The following ZNF273 variants were observed in gnomAD, a reference collection of about 807,000 sequenced individuals.
ZNF273 encodes the protein zinc finger protein 9.
Under a neutral mutation model 14.9 loss-of-function variants are expected in ZNF273, and 11 were observed. That is an observed-to-expected ratio of 0.74 (90% CI 0.46 to 1.22). The LOEUF is 1.22. ZNF273 is among the 50% of genes most tolerant of loss of function. The pLI is 0.00. For missense variants in ZNF273, 577 were observed against 660.6 expected (o/e 0.87, Z 1.39); for synonymous variants, 199 against 223.9 (o/e 0.89, Z 0.99).
chr7:64,913,000 T>G (rs1793684450), intron 1 of ZNF273, among the ~76,000 whole-genome samples: 1 of 151,668 alleles, frequency 6.6e-6, no homozygotes, highest in African/African-American at 2.4e-5. Flanking sequence ...AGCTAATATT[T>G]GTATTTTTAG....
intron 3 of ZNF273, among the ~76,000 whole-genome samples, chr7:64,895,993 A>T (rs1008983446): frequency 6.6e-6 from 1 of 152,100 alleles, no homozygotes; most frequent in African/African-American, 2.4e-5. Context: ...GGTAAAATAA[A>T]GCTTTTATTT....
At chr7:64,901,907 C>T (rs1353657737), upstream of ZNF273, among the ~76,000 whole-genome samples, 3 of 151,432 alleles carry the variant, frequency 2.0e-5, no homozygotes, top group South Asian at 6.2e-4. Context: ...CCACATTGTG[C>T]GAGTGAAACT....
downstream of ZNF273, among the ~76,000 whole-genome samples, chr7:64,931,762 C>G (rs1313529244): frequency 1.3e-5 from 2 of 152,112 alleles, no homozygotes; most frequent in African/African-American, 4.8e-5. Flanking sequence ...AACAGATGCT[C>G]CATAGTAAGA....
downstream of ZNF273, among the ~76,000 whole-genome samples, chr7:64,932,238 A>AT (rs374288365): frequency 0.042 from 6,355 of 151,716 alleles, 167 homozygotes; most frequent in Middle Eastern, 0.082. Context: ...AAAAAAAAAA[A>AT]ATATCTTACT....
At chr7:64,912,827 T>TTTTTTGTTGTTG (rs796732800) in intron 1 of ZNF273, among the ~76,000 whole-genome samples, 3 of 45,962 alleles carry the variant, frequency 6.5e-5, no homozygotes, top group Non-Finnish European at 1.4e-4. Flanking sequence ...TTCATTTTAG[T>TTTTTTGTTGTTG]TTTTTTTTTT....
chr7:64,908,291 G>C (rs1034245700), intron 1 of ZNF273, among the ~76,000 whole-genome samples: 1 of 152,140 alleles, frequency 6.6e-6, no homozygotes, highest in African/African-American at 2.4e-5. Flanking sequence ...GTGCTGATTT[G>C]TTATATACAT....
At chr7:64,892,404 T>A (rs1403453855), downstream of ZNF273, among the ~76,000 whole-genome samples, 1 of 152,212 alleles carries the variant, frequency 6.6e-6, no homozygotes, top group African/African-American at 2.4e-5. Flanking sequence ...TTCTTTTTTT[T>A]ATTGTAAATA....
At chr7:64,890,656 T>C (rs536655815), downstream of ZNF273, among the ~76,000 whole-genome samples, 2 of 152,302 alleles carry the variant, frequency 1.3e-5, no homozygotes, top group African/African-American at 4.8e-5. Flanking sequence ...TGAGGAAATA[T>C]TCCATCCAAG....
intron 1 of ZNF273, among the ~76,000 whole-genome samples, chr7:64,912,825 A>ATTTTTTTT (rs1562959126): frequency 5.9e-5 from 1 of 16,848 alleles, no homozygotes; most frequent in Non-Finnish European, 3.5e-4. Flanking sequence ...GATTCATTTT[A>ATTTTTTTT]GTTTTTTTTT....
At chr7:64,887,536 T>C (rs1791665381) in intron 1 of ZNF273, among the ~76,000 whole-genome samples, 1 of 152,184 alleles carries the variant, frequency 6.6e-6, no homozygotes, top group African/African-American at 2.4e-5. Flanking sequence ...CTAGCTCTGT[T>C]GCACAGGCTG....
intron 4 of ZNF273, chr7:64,898,197 GCTA>G (rs1792478202): frequency 1.3e-5 from 2 of 152,116 alleles, no homozygotes; most frequent in Non-Finnish European, 2.9e-5. Flanking sequence ...TACATCAAAT[GCTA>G]CTTTTTATTA....
chr7:64,902,777 G>T (rs1295111373), upstream of ZNF273, among the ~76,000 whole-genome samples: 1 of 152,152 alleles, frequency 6.6e-6, no homozygotes, highest in Non-Finnish European at 1.5e-5. Flanking sequence ...CCAGGTCCTA[G>T]GTAGATAAAA....
At chr7:64,906,121 T>G (rs956029028) in intron 1 of ZNF273, among the ~76,000 whole-genome samples, 1 of 152,202 alleles carries the variant, frequency 6.6e-6, no homozygotes, top group Admixed American at 6.5e-5. Context: ...TCTTTTTAAT[T>G]TTGGCTGTAG....
At chr7:64,889,146 C>A, downstream of ZNF273, 14 of 985,962 alleles carry the variant, frequency 1.4e-5, no homozygotes, top group Non-Finnish European at 1.6e-5. The surrounding 1 kb of genome is among the most constrained non-coding windows in gnomAD (Gnocchi z 4.2). Context: ...GCGGAGGGGA[C>A]GCCCGGGCTG....
chr7:64,906,717 G>C (rs943972288), intron 1 of ZNF273, among the ~76,000 whole-genome samples: 1 of 152,178 alleles, frequency 6.6e-6, no homozygotes, highest in Non-Finnish European at 1.5e-5. Flanking sequence ...GAAAGCTGGG[G>C]ACCCACAGGC....
At chr7:64,888,222 T>C (rs1791722273) in intron 1 of ZNF273, 2 of 883,822 alleles carry the variant, frequency 2.3e-6, no homozygotes, top group Non-Finnish European at 2.7e-6. Context: ...CTGCTGCTGC[T>C]GCCCCACCCT....
chr7:64,886,924 A>G (rs1791617897), intron 1 of ZNF273, among the ~76,000 whole-genome samples: 1 of 152,230 alleles, frequency 6.6e-6, no homozygotes, highest in Non-Finnish European at 1.5e-5. Flanking sequence ...CCCATGTGGA[A>G]GTCTTCTGTC....
At position 64,903,351 on chromosome 7, in the gene ZNF273, G is replaced by T; in HGVS notation, c.34G>T (p.Ala12Ser). The T allele has an allele frequency of 1.2e-6, 2 of 1,613,444 alleles. No individual in the cohort carries two copies. The highest frequency in any genetic ancestry group is 1.7e-6 in the Non-Finnish European group (2 of 1,179,528). ...TGCTCCTAGAGGTCCACCTTCTGTG[G>T]CCCCGTTACCTGCAGGTATTGGGAG... ...SSAPRGPPSV[A>S]PLPAGIGRST... is the part of the protein sequence containing the mutation. The change falls in exon 1 of 4, where the codon GCC (alanine) becomes TCC (serine). Residue 12 changes from alanine (A) to serine (S), a missense_variant. Around this residue, in one of 3 missense-constraint regions of ZNF273, gnomAD observed 162 missense variants for 203.5 expected, o/e 0.80. Coordinates refer to ENST00000476120, the MANE Select transcript of ZNF273 (RefSeq NM_021148.3).
At position 64,903,346 on chromosome 7, in the gene ZNF273, C is replaced by A; in HGVS notation, c.29C>A (p.Ser10Tyr). The A allele has an allele frequency of 6.2e-7, 1 of 1,613,402 alleles. No individual in the cohort carries two copies. The highest frequency in any genetic ancestry group is 8.5e-7 in the Non-Finnish European group (1 of 1,179,492). ...TCCTCTGCTCCTAGAGGTCCACCTT[C>A]TGTGGCCCCGTTACCTGCAGGTATT... MSSAPRGPP[S>Y]VAPLPAGIGR... The change falls in exon 1 of 4, where the codon TCT (serine) becomes TAT (tyrosine). Residue 10 changes from serine (S) to tyrosine (Y), a missense_variant. Physicochemically the swap from Ser to Tyr is moderately radical, Grantham distance 144 (BLOSUM62 -2). Around this residue, in one of 3 missense-constraint regions of ZNF273, gnomAD observed 162 missense variants for 203.5 expected, o/e 0.80. Transcript: ENST00000476120.
Sources: gnomAD v4.1 joint callset for allele counts (sites outside exome capture counted in the v4.1 genomes callset) on GRCh38, gnomAD v4.1.1 for gene constraint, gnomAD v4.1.1 regional missense constraint, Gnocchi (gnomAD v3.1) non-coding constraint, MANE v1.5 for transcripts, NCBI Gene and HGNC (gene_info 2026-07-23, HGNC 2026-07-21) for gene names.